The following DLC1 variants were observed in gnomAD, a reference collection of about 807,000 sequenced individuals.
The protein encoded by DLC1 is DLC1 Rho GTPase activating protein.
In DLC1, 54 loss-of-function variants were observed where a neutral mutation model predicts 140.3. That is an observed-to-expected ratio of 0.38 (90% confidence interval 0.31 to 0.48). The LOEUF is 0.48. Ranked by LOEUF, DLC1 falls within the 20% of genes least tolerant of loss-of-function variation. The pLI is 0.96. For missense variants in DLC1, 2,536 were observed against 1,907.0 expected (o/e 1.33, Z -6.14); for synonymous variants, 986 against 728.1 (o/e 1.35, Z -5.70).
chr8:13,603,409 T>C (rs1805952978), intron 1 of DLC1, among the ~76,000 whole-genome samples: 1 of 151,708 alleles, frequency 6.6e-6, no homozygotes, highest in Admixed American at 6.6e-5. Flanking sequence ...AATTTTTTTT[T>C]AGAATTTCCT....
intron 2 of DLC1, among the ~76,000 whole-genome samples, chr8:13,412,097 C>T (rs1189984063): frequency 2.6e-5 from 4 of 151,880 alleles, no homozygotes; most frequent in South Asian, 4.1e-4. Flanking sequence ...ATCATATGTA[C>T]GACAATGAAT....
intron 5 of DLC1, among the ~76,000 whole-genome samples, chr8:13,127,924 A>G (rs1014706740): frequency 3.9e-5 from 6 of 152,196 alleles, no homozygotes; most frequent in Admixed American, 2.0e-4. Flanking sequence ...TCAGCCTTCA[A>G]TGAGCTTTTG....
chr8:13,420,460 A>G (rs925276347), intron 2 of DLC1, among the ~76,000 whole-genome samples: 1 of 152,280 alleles, frequency 6.6e-6, no homozygotes. Context: ...TTACATAGGT[A>G]TACATGTGCC....
intron 5 of DLC1, among the ~76,000 whole-genome samples, chr8:13,198,367 G>A (rs190123988): frequency 1.3e-5 from 2 of 152,204 alleles, no homozygotes; most frequent in African/African-American, 4.8e-5. Context: ...ATGCTGAGCC[G>A]GTTCCAGATA....
chr8:13,194,790 T>C (rs1222357166), intron 5 of DLC1, among the ~76,000 whole-genome samples: 1 of 152,206 alleles, frequency 6.6e-6, no homozygotes, highest in East Asian at 1.9e-4. Context: ...GGAGGATTTC[T>C]TGATCTCAGA....
At chr8:13,177,253 G>C (rs1437842747) in intron 5 of DLC1, among the ~76,000 whole-genome samples, 2 of 152,128 alleles carry the variant, frequency 1.3e-5, no homozygotes, top group African/African-American at 4.8e-5. Context: ...TGGGTCTTGT[G>C]AAACTTCATA....
At chr8:13,565,257 A>C (rs985598004) in intron 1 of DLC1, among the ~76,000 whole-genome samples, 1 of 152,210 alleles carries the variant, frequency 6.6e-6, no homozygotes, top group African/African-American at 2.4e-5. Flanking sequence ...GATTATAAAA[A>C]AGACAGATTA....
chr8:13,516,031 G>C (rs1269194923), upstream of DLC1, among the ~76,000 whole-genome samples: 1 of 152,144 alleles, frequency 6.6e-6, no homozygotes, highest in Non-Finnish European at 1.5e-5. Context: ...CAGCTTCATT[G>C]TTTATACCAG....
chr8:13,388,209 C>T (rs114763727), intron 4 of DLC1, among the ~76,000 whole-genome samples: 41 of 152,090 alleles, frequency 2.7e-4, no homozygotes, highest in African/African-American at 9.4e-4. Flanking sequence ...AAATAACACT[C>T]CACTGAAATA....
At chr8:13,187,730 T>A (rs1342686772) in intron 5 of DLC1, among the ~76,000 whole-genome samples, 1 of 152,206 alleles carries the variant, frequency 6.6e-6, no homozygotes, top group Admixed American at 6.5e-5. Flanking sequence ...CATCCGGGAA[T>A]ACTCGAGGCG....
intron 5 of DLC1, among the ~76,000 whole-genome samples, chr8:13,292,597 G>A (rs1268229266): frequency 6.6e-6 from 1 of 152,016 alleles, no homozygotes; most frequent in Non-Finnish European, 1.5e-5. Context: ...CATTGCAGTT[G>A]GGGTGCAGCC....
intron 2 of DLC1, among the ~76,000 whole-genome samples, chr8:13,495,161 A>G (rs1801443461): frequency 3.9e-5 from 6 of 152,192 alleles, no homozygotes; most frequent in Admixed American, 3.9e-4. Flanking sequence ...ATATGTTCAG[A>G]CATTTATATA....
intron 5 of DLC1, among the ~76,000 whole-genome samples, chr8:13,142,609 T>C (rs1360486396): frequency 6.6e-6 from 1 of 152,224 alleles, no homozygotes; most frequent in Non-Finnish European, 1.5e-5. Flanking sequence ...ACTACATATT[T>C]ATGAGAAATA....
At chr8:13,502,368 A>G (rs72603984) in intron 1 of DLC1, among the ~76,000 whole-genome samples, 5,207 of 152,222 alleles carry the variant, frequency 0.034, 316 homozygotes, top group East Asian at 0.22. Flanking sequence ...TATTTTTAAG[A>G]TATGCAATTT....
chr8:13,487,342 A>G (rs1385255111), intron 2 of DLC1, among the ~76,000 whole-genome samples: 1 of 152,182 alleles, frequency 6.6e-6, no homozygotes, highest in Non-Finnish European at 1.5e-5. Context: ...AATTCTCTTA[A>G]GAAAAAGTTT....
chr8:13,327,266 C>T (rs1260263382), intron 4 of DLC1, among the ~76,000 whole-genome samples: 1 of 151,828 alleles, frequency 6.6e-6, no homozygotes, highest in South Asian at 2.1e-4. Context: ...AGCCACTGCG[C>T]CCGGCCCCAC....
intron 5 of DLC1, among the ~76,000 whole-genome samples, chr8:13,219,735 T>C (rs985152386): frequency 6.6e-6 from 1 of 152,102 alleles, no homozygotes; most frequent in African/African-American, 2.4e-5. Flanking sequence ...AGAATGTTCA[T>C]TGCAGCACTA....
Position 13,376,051 on chromosome 8 carries a change from C to A in DLC1, c.1314+17502G>T, listed in dbSNP as rs114740989. ...AAATCATGTTGCTCCAATTACTTTT[C>A]CAAGAAAAAGCACCAAAAAGAGGAA... On this transcript the variant is annotated intron_variant, in intron 4 of 17. Coordinates refer to ENST00000276297, the MANE Select transcript of DLC1 (RefSeq NM_182643.3). Among the ~76,000 whole-genome samples, 1,443 of 152,170 alleles carry A rather than the reference C, an allele frequency of 9.5e-3. 21 individuals carry two copies. Among genetic ancestry groups the A allele is most frequent in the African/African-American group, 0.033 (1,364 of 41,506 alleles).
chr8:13,229,188 C>G (rs577458451), intron 5 of DLC1, among the ~76,000 whole-genome samples: 1 of 152,246 alleles, frequency 6.6e-6, no homozygotes, highest in East Asian at 1.9e-4. Context: ...CAAATGTCCA[C>G]CAACTGGACA....
Sources: allele counts gnomAD v4.1 joint callset (sites outside exome capture counted in the v4.1 genomes callset), GRCh38; gene constraint gnomAD v4.1.1; transcripts MANE v1.5; gene names NCBI Gene and HGNC (gene_info 2026-07-23, HGNC 2026-07-21).